The following TMEM132B variants were observed in gnomAD, a reference collection of about 807,000 sequenced individuals.
TMEM132B encodes the protein transmembrane protein 132B.
A neutral mutation model predicts 90.8 loss-of-function variants in TMEM132B; 18 were observed. The observed-to-expected ratio is 0.20, with a 90% CI of 0.14 to 0.29. TMEM132B has a LOEUF of 0.29. Among genes scored for constraint, TMEM132B ranks in the 10% least tolerant of loss-of-function variants. The probability of loss-of-function intolerance (pLI) is 1.00; values close to 1 mark genes in which losing one functional copy is unlikely to be tolerated. For synonymous variants in TMEM132B, 504 were observed against 523.3 expected (o/e 0.96, Z 0.50); for missense variants, 1,096 against 1,326.8 (o/e 0.83, Z 2.70).
At chr12:125,249,112 A>G (rs1414963214) in intron 1 of TMEM132B, among the ~76,000 whole-genome samples, 1 of 152,154 alleles carries the variant, frequency 6.6e-6, no homozygotes, top group Admixed American at 6.5e-5. Flanking sequence ...GACTTGTGCT[A>G]ATTTTTCTGA....
intron 1 of TMEM132B, among the ~76,000 whole-genome samples, chr12:125,188,109 C>T (rs1164858163): frequency 2.6e-5 from 4 of 152,198 alleles, no homozygotes; most frequent in Admixed American, 1.3e-4. Flanking sequence ...GTGTCGGCTT[C>T]CTTTGAGATG....
intron 3 of TMEM132B, among the ~76,000 whole-genome samples, chr12:125,496,201 G>A (rs1319458925): frequency 2.6e-5 from 4 of 152,172 alleles, no homozygotes; most frequent in Non-Finnish European, 5.9e-5. Context: ...ATGGGGCTGA[G>A]AGATGTGTAA....
At chr12:125,505,920 C>T (rs1230079770) in intron 3 of TMEM132B, among the ~76,000 whole-genome samples, 4 of 152,116 alleles carry the variant, frequency 2.6e-5, no homozygotes, top group Non-Finnish European at 4.4e-5. Context: ...GGAAAAGGGA[C>T]AGAAAATATA....
chr12:125,624,671 A>G (rs138129266), intron 5 of TMEM132B, among the ~76,000 whole-genome samples: 2 of 152,270 alleles, frequency 1.3e-5, no homozygotes, highest in African/African-American at 4.8e-5. Context: ...AGACTGAAAA[A>G]TTGCTACTCA....
intron 3 of TMEM132B, among the ~76,000 whole-genome samples, chr12:125,443,327 T>G (rs905620301): frequency 3.9e-5 from 6 of 152,240 alleles, no homozygotes; most frequent in African/African-American, 7.2e-5. Context: ...TTTCAGGTCC[T>G]TAAATGAAAC....
intron 1 of TMEM132B, among the ~76,000 whole-genome samples, chr12:125,223,094 C>A (rs967999613): frequency 2.0e-5 from 3 of 152,162 alleles, no homozygotes; most frequent in African/African-American, 7.2e-5. Context: ...ACAGCAAAAC[C>A]ACTGACCAAT....
At chr12:125,475,309 A>AT (rs1228061765) in intron 3 of TMEM132B, among the ~76,000 whole-genome samples, 3 of 152,112 alleles carry the variant, frequency 2.0e-5, no homozygotes, top group Non-Finnish European at 4.4e-5. Flanking sequence ...CAATATGCAT[A>AT]TTTTTTCCAA....
At chr12:125,270,149 T>TGTGTGTGTGTGTG (rs1555235073) in intron 1 of TMEM132B, among the ~76,000 whole-genome samples, 10 of 150,180 alleles carry the variant, frequency 6.7e-5, no homozygotes, top group African/African-American at 2.2e-4. Flanking sequence ...TGTGTGTGTG[T>TGTGTGTGTGTGTG]TTTAAGAGAC....
At chr12:125,314,832 G>A (rs147844435) in intron 1 of TMEM132B, among the ~76,000 whole-genome samples, 299 of 152,324 alleles carry the variant, frequency 2.0e-3, no homozygotes, top group Non-Finnish European at 2.7e-3. Flanking sequence ...GCTGAGAAAT[G>A]TCTTCTTTGT....
At chr12:125,432,562 GAGAGAA>G (rs1208083254) in intron 3 of TMEM132B, among the ~76,000 whole-genome samples, 1 of 138,236 alleles carries the variant, frequency 7.2e-6, no homozygotes, top group Non-Finnish European at 1.6e-5. Context: ...GAGAGAGAGA[GAGAGAA>G]AGAGAGTGTT....
At chr12:125,364,330 C>A (rs1402674919) in intron 2 of TMEM132B, among the ~76,000 whole-genome samples, 1 of 152,048 alleles carries the variant, frequency 6.6e-6, no homozygotes, top group Non-Finnish European at 1.5e-5. Flanking sequence ...TTAAACATGA[C>A]AAAGTTAAAA....
At chr12:125,239,808 T>G (rs931145370) in intron 1 of TMEM132B, among the ~76,000 whole-genome samples, 3 of 152,046 alleles carry the variant, frequency 2.0e-5, no homozygotes, top group African/African-American at 7.2e-5. Context: ...CTGCTCATGG[T>G]TTGTTGGGGG....
chr12:125,243,032 T>TATATATATATATATATATATATACAC (rs1215676534), intron 1 of TMEM132B, among the ~76,000 whole-genome samples: 130 of 134,942 alleles, frequency 9.6e-4, no homozygotes, highest in Non-Finnish European at 1.6e-3. Context: ...TATATATATA[T>TATATATATATATATATATATATACAC]ACACACACAC....
intron 3 of TMEM132B, among the ~76,000 whole-genome samples, chr12:125,474,129 C>CCT (rs916817646): frequency 6.9e-6 from 1 of 144,118 alleles, no homozygotes; most frequent in Non-Finnish European, 1.5e-5. Flanking sequence ...CATTTTCTTT[C>CCT]CTCTCTCTCT....
At chr12:125,515,398 C>CA (rs774553431) in intron 3 of TMEM132B, among the ~76,000 whole-genome samples, 1 of 114,192 alleles carries the variant, frequency 8.8e-6, no homozygotes, top group Non-Finnish European at 1.6e-5. Flanking sequence ...CATTCTCTCA[C>CA]AAATACATTC....
chr12:125,188,824 T>C (rs1957776515), intron 1 of TMEM132B, among the ~76,000 whole-genome samples: 1 of 130,516 alleles, frequency 7.7e-6, no homozygotes, highest in African/African-American at 3.0e-5. Context: ...TTGATAACTC[T>C]ATATTTAGCA....
At chr12:125,489,599 A>T (rs981455449) in intron 3 of TMEM132B, among the ~76,000 whole-genome samples, 2 of 151,872 alleles carry the variant, frequency 1.3e-5, no homozygotes, top group Non-Finnish European at 2.9e-5. Flanking sequence ...TTTTGTAGAG[A>T]TGGGGTCTCG....
At chr12:125,506,482 A>G (rs540427804) in intron 3 of TMEM132B, among the ~76,000 whole-genome samples, 8 of 152,306 alleles carry the variant, frequency 5.3e-5, no homozygotes, top group East Asian at 1.9e-4. Flanking sequence ...AACTCATGGT[A>G]TATTCTTAAA....
chr12:125,191,577 A>G (rs767481438), intron 1 of TMEM132B, among the ~76,000 whole-genome samples: 16 of 152,146 alleles, frequency 1.1e-4, no homozygotes, highest in Non-Finnish European at 2.4e-4. Context: ...GGTAGTCGTT[A>G]AGCTCCTTTG....
Sources: allele counts gnomAD v4.1 joint callset (sites outside exome capture counted in the v4.1 genomes callset), GRCh38; gene constraint gnomAD v4.1.1; transcripts MANE v1.5; gene names NCBI Gene and HGNC (gene_info 2026-07-23, HGNC 2026-07-21).